The following SNX29 variants were observed in gnomAD, a reference collection of about 807,000 sequenced individuals.
SNX29 encodes sorting nexin-29.
Under a neutral mutation model 102.1 loss-of-function variants are expected in SNX29, and 78 were observed. The ratio of observed to expected loss-of-function variants is 0.76; its 90% CI spans 0.64 to 0.92. The LOEUF is 0.92. SNX29 is among the 40% of genes least tolerant of loss of function. SNX29 has a pLI of 0.00. For missense variants in SNX29, 1,280 were observed against 1,061.7 expected, an observed-to-expected ratio of 1.21 and a Z score of -2.86; for synonymous variants, 580 against 414.5, an observed-to-expected ratio of 1.40 and a Z score of -4.85.
At chr16:12,164,553 T>G (rs1014944096) in intron 13 of SNX29, among the ~76,000 whole-genome samples, 2 of 152,146 alleles carry the variant, frequency 1.3e-5, no homozygotes, top group African/African-American at 4.8e-5. Flanking sequence ...TCTTGAAACT[T>G]CTCACTTTGA....
chr16:12,170,963 A>T (rs976403745), intron 13 of SNX29, among the ~76,000 whole-genome samples: 1 of 151,908 alleles, frequency 6.6e-6, no homozygotes, highest in African/African-American at 2.4e-5. Flanking sequence ...CCAGGAGAAA[A>T]ATCCCGGCCA....
intron 15 of SNX29, among the ~76,000 whole-genome samples, chr16:12,305,958 CTGTT>C (rs1463522984): frequency 6.6e-6 from 1 of 152,096 alleles, no homozygotes; most frequent in African/African-American, 2.4e-5. Context: ...AATTGAATGT[CTGTT>C]TAATTCATTT....
intron 11 of SNX29, among the ~76,000 whole-genome samples, chr16:12,080,960 G>A (rs2051844558): frequency 6.6e-6 from 1 of 152,164 alleles, no homozygotes; most frequent in African/African-American, 2.4e-5. Context: ...GGGATTACAG[G>A]TGTGAGCCAC....
chr16:12,214,779 C>T (rs2077278508), intron 14 of SNX29, among the ~76,000 whole-genome samples: 1 of 152,176 alleles, frequency 6.6e-6, no homozygotes, highest in Non-Finnish European at 1.5e-5. Flanking sequence ...ACACTGACCT[C>T]CAGATACCCC....
intron 14 of SNX29, among the ~76,000 whole-genome samples, chr16:12,219,212 C>T (rs1344985587): frequency 6.6e-6 from 1 of 151,874 alleles, no homozygotes; most frequent in Non-Finnish European, 1.5e-5. Flanking sequence ...ATTTGGTTTG[C>T]AAACCACATG....
At chr16:12,293,507 C>G (rs558371665) in intron 15 of SNX29, among the ~76,000 whole-genome samples, 2 of 152,336 alleles carry the variant, frequency 1.3e-5, no homozygotes, top group East Asian at 1.9e-4. Flanking sequence ...CATTTTATGA[C>G]TGTCTTCTGG....
At position 12,572,706 on chromosome 16, in the gene SNX29, C is replaced by G; in HGVS notation, c.*4077C>G. The G allele has an allele frequency of 9.4e-7, 1 of 1,063,934 alleles. No homozygotes were observed. Among genetic ancestry groups the G allele is most frequent in the Non-Finnish European group, 1.1e-6 (1 of 878,412 alleles). The allele number at this position is 1,063,934 out of a possible 1,614,324, so 65.9% of individuals were successfully genotyped here. A position where few individuals can be genotyped will look rare whatever the true frequency, so the allele number is the denominator to read the frequency against. ...AAGCCCTGCACTCCAGCAGCATCTTCCAGCCTTGGCACAGAACTGATGGCA... is the reference window on the plus strand; with the variant it reads ...AAGCCCTGCACTCCAGCAGCATCTTGCAGCCTTGGCACAGAACTGATGGCA... On this transcript the variant is annotated 3_prime_UTR_variant, in exon 21 of 21. Transcript: ENST00000566228.
intron 4 of SNX29, among the ~76,000 whole-genome samples, chr16:12,035,284 T>C (rs986346223): frequency 2.0e-5 from 3 of 150,918 alleles, no homozygotes; most frequent in Non-Finnish European, 4.4e-5. Context: ...CAATCATGGC[T>C]CTCTGCAGCC....
intron 11 of SNX29, among the ~76,000 whole-genome samples, chr16:12,115,835 C>A (rs190496621): frequency 2.6e-5 from 4 of 152,186 alleles, no homozygotes; most frequent in Admixed American, 2.6e-4. Context: ...TGCCCACTGA[C>A]GGAGAAGTGA....
intron 13 of SNX29, among the ~76,000 whole-genome samples, chr16:12,159,811 G>A (rs1053601281): frequency 2.0e-5 from 3 of 152,218 alleles, no homozygotes; most frequent in Non-Finnish European, 4.4e-5. Context: ...GAACACTTAA[G>A]AGAGGGACAG....
chr16:12,473,552 C>T lies in SNX29; in HGVS notation c.2038-4167C>T, dbSNP rs183820913. Among the ~76,000 whole-genome samples the T allele has an allele frequency of 2.0e-5, 3 of 152,270 alleles. No homozygotes were observed. The East Asian group carries it at 5.8e-4, about 29-fold the overall frequency. ...CCTGCTGTTGTCAGAGGTGTTTGAA[C>T]CAGAGCAACTCCATCTTGAATAGGG... On this transcript the variant is annotated intron_variant, in intron 18 of 20. Coordinates refer to ENST00000566228, the MANE Select transcript of SNX29 (RefSeq NM_032167.5).
intron 16 of SNX29, among the ~76,000 whole-genome samples, chr16:12,371,547 A>G (rs984520598): frequency 2.0e-5 from 3 of 152,150 alleles, no homozygotes; most frequent in South Asian, 2.1e-4. Flanking sequence ...GGCTCAAGCA[A>G]TCCTGCCTCA....
intron 15 of SNX29, among the ~76,000 whole-genome samples, chr16:12,321,858 CAG>C (rs1297406186): frequency 6.6e-5 from 10 of 152,272 alleles, no homozygotes; most frequent in Non-Finnish European, 1.0e-4. Flanking sequence ...GTGGGGAAGA[CAG>C]AGAGCCGGGG....
At chr16:12,358,493 C>T (rs1046585136) in intron 16 of SNX29, among the ~76,000 whole-genome samples, 1 of 152,180 alleles carries the variant, frequency 6.6e-6, no homozygotes, top group South Asian at 2.1e-4. Context: ...TGCTTGAACC[C>T]AGGTCAGAAT....
chr16:12,169,793 C>T lies in SNX29; in HGVS notation c.1596-29808C>T, dbSNP rs541455224. ...AGGAGAATCACTTGAACCCCAGAGGCGGAGGTTGCAGTGAGCTGAGATCAT... is the reference window on the plus strand; with the variant it reads ...AGGAGAATCACTTGAACCCCAGAGGTGGAGGTTGCAGTGAGCTGAGATCAT... On this transcript the variant is annotated intron_variant, in intron 13 of 20. Transcript: ENST00000566228. Among the ~76,000 whole-genome samples, 108 of 151,996 alleles carry T rather than the reference C, an allele frequency of 7.1e-4. 1 individual carries two copies. Among genetic ancestry groups the T allele is most frequent in the Non-Finnish European group, 1.3e-3 (87 of 67,948 alleles).
chr16:12,051,541 A>G (rs1175746105), intron 7 of SNX29, among the ~76,000 whole-genome samples: 2 of 152,172 alleles, frequency 1.3e-5, no homozygotes, highest in South Asian at 2.1e-4. Flanking sequence ...TATTTTCCAA[A>G]GTGAAGCATT....
chr16:12,513,771 T>G (rs955911169), intron 19 of SNX29, among the ~76,000 whole-genome samples: 1 of 152,240 alleles, frequency 6.6e-6, no homozygotes, highest in Non-Finnish European at 1.5e-5. Context: ...TCGTGAAGCT[T>G]TGCTAACAGC....
intron 16 of SNX29, among the ~76,000 whole-genome samples, chr16:12,382,373 G>A (rs1033231612): frequency 4.6e-5 from 7 of 152,182 alleles, no homozygotes; most frequent in African/African-American, 7.2e-5. Flanking sequence ...AACCTAGTGC[G>A]TGGACTCTGG....
intron 20 of SNX29, chr16:12,526,742 G>A: frequency 2.2e-6 from 1 of 453,842 alleles, no homozygotes; most frequent in Non-Finnish European, 4.2e-6. Flanking sequence ...CTGAGAGTGT[G>A]AGCAGGAGGC....
Sources: allele counts gnomAD v4.1 joint callset (sites outside exome capture counted in the v4.1 genomes callset), GRCh38; gene constraint gnomAD v4.1.1; transcripts MANE v1.5; gene names NCBI Gene and HGNC (gene_info 2026-07-23, HGNC 2026-07-21).